The following SLC17A1 variants were observed in gnomAD, a reference collection of about 807,000 sequenced individuals.
SLC17A1 encodes sodium-dependent phosphate transport protein 1.
In SLC17A1, 51 loss-of-function variants were observed where a neutral mutation model predicts 53.5. The observed-to-expected ratio is 0.95, with a 90% CI of 0.76 to 1.20. The LOEUF is 1.20. SLC17A1 is among the 50% of genes most tolerant of loss of function. SLC17A1 has a pLI of 0.00. For missense variants in SLC17A1, 538 were observed against 568.2 expected (o/e 0.95, Z 0.54); for synonymous variants, 179 against 198.8 (o/e 0.90, Z 0.84).
Position 25,811,634 on chromosome 6 carries a change from T to A in SLC17A1, c.1030+4A>T, listed in dbSNP as rs1254565545. 1.2e-6 allele frequency: 2 copies of A among 1,613,830 alleles called. No individual in the cohort carries two copies. The highest frequency in any genetic ancestry group is 3.3e-5 in the Admixed American group (2 of 60,002). On this transcript the variant is annotated splice_donor_region_variant and intron_variant, in intron 9 of 12. Coordinates refer to ENST00000244527, the MANE Select transcript of SLC17A1 (RefSeq NM_005074.5). ...AGTGCTTAAATGTTCTGGCTGTTGC[T>A]TACCTGCTGCTGTGAAGAGTTTCCG...
the SLC17A1 span, among the ~76,000 whole-genome samples, chr6:25,752,358 A>G: frequency 6.6e-6 from 1 of 152,198 alleles, no homozygotes; most frequent in African/African-American, 2.4e-5. Flanking sequence ...AAGGTACAGT[A>G]AAAAGATAAA....
intron 2 of SLC17A1, among the ~76,000 whole-genome samples, chr6:25,827,594 T>C (rs1431945347): frequency 6.6e-6 from 1 of 152,166 alleles, no homozygotes; most frequent in Non-Finnish European, 1.5e-5. Context: ...TGAATCCCTC[T>C]CACACTTTGA....
At chr6:25,764,368 C>T in the SLC17A1 span, among the ~76,000 whole-genome samples, 12 of 152,148 alleles carry the variant, frequency 7.9e-5, no homozygotes, top group African/African-American at 2.7e-4. Flanking sequence ...TATACTGCCC[C>T]CCACCATGGG....
At chr6:25,780,097 C>T (rs981935690), downstream of SLC17A1, 1 of 152,204 alleles carries the variant, frequency 6.6e-6, no homozygotes, top group Non-Finnish European at 1.5e-5. Flanking sequence ...ACTGCCCTAA[C>T]CTCACTCCAA....
intron 12 of SLC17A1, among the ~76,000 whole-genome samples, chr6:25,787,674 G>A (rs1320957267): frequency 6.6e-6 from 1 of 152,180 alleles, no homozygotes; most frequent in South Asian, 2.1e-4. Context: ...ATTGTGAAAC[G>A]TTAAGTTTTC....
chr6:25,744,791 G>T, the SLC17A1 span, among the ~76,000 whole-genome samples: 1 of 152,122 alleles, frequency 6.6e-6, no homozygotes, highest in African/African-American at 2.4e-5. Flanking sequence ...ATTATTGATT[G>T]TCTAGACTTA....
In SLC17A1 at chr6:25,830,575, T is replaced by C. The variant is rs371704009; in HGVS notation, c.-18A>G. 203 of 1,613,740 alleles carry C rather than the reference T, an allele frequency of 1.3e-4. 1 individual carries two copies. The highest frequency in any genetic ancestry group is 7.9e-5 in the Non-Finnish European group (93 of 1,179,832). ...ATTTGCATACACGGCTGAAGTTGCT[T>C]CTCTTCTTGCTGAAGGGTTTTGCCT... On this transcript the variant is annotated 5_prime_UTR_variant, in exon 2 of 13. Transcript: ENST00000244527.
Position 25,787,674 on chromosome 6 carries a change from G to C in SLC17A1, c.*3-4456C>G, listed in dbSNP as rs1320957267. ...GATAACAACTTAAGCATTGTGAAAC[G>C]TTAAGTTTTCTATTTGAGTTATTCT... is the stretch of plus-strand genomic sequence containing the variant. On this transcript the variant is annotated intron_variant, in intron 12 of 12. Coordinates refer to ENST00000244527, the MANE Select transcript of SLC17A1 (RefSeq NM_005074.5). Among the ~76,000 whole-genome samples, 8 of 152,180 alleles carry C rather than the reference G, an allele frequency of 5.3e-5. No homozygotes were observed. In the East Asian group the frequency reaches 1.3e-3, roughly 26 times the overall value.
At chr6:25,769,163 T>G in the SLC17A1 span, 34 of 1,613,924 alleles carry the variant, frequency 2.1e-5, no homozygotes, top group South Asian at 3.3e-4. Context: ...GCTACTGGAA[T>G]GAAACTCTAA....
At chr6:25,724,076 T>C in the SLC17A1 span, among the ~76,000 whole-genome samples, 1 of 151,970 alleles carries the variant, frequency 6.6e-6, no homozygotes, top group South Asian at 2.1e-4. Context: ...CAAAATACAG[T>C]AATAAAAAAG....
the SLC17A1 span, among the ~76,000 whole-genome samples, chr6:25,768,152 G>A: frequency 6.6e-6 from 1 of 152,154 alleles, no homozygotes; most frequent in Non-Finnish European, 1.5e-5. Context: ...TGGCTGGGTT[G>A]GGGATGGGGA....
the SLC17A1 span, chr6:25,731,863 G>A: frequency 6.2e-7 from 1 of 1,603,100 alleles, no homozygotes; most frequent in Non-Finnish European, 8.5e-7. Flanking sequence ...GGCAGCAGCA[G>A]GCGCACGGCC....
intron 6 of SLC17A1, among the ~76,000 whole-genome samples, chr6:25,813,666 A>G (rs931707908): frequency 9.9e-5 from 15 of 152,150 alleles, no homozygotes; most frequent in African/African-American, 3.4e-4. Flanking sequence ...AGATTATTTC[A>G]TCACCCAGGT....
At chr6:25,748,044 A>C in the SLC17A1 span, among the ~76,000 whole-genome samples, 1 of 152,210 alleles carries the variant, frequency 6.6e-6, no homozygotes, top group South Asian at 2.1e-4. Flanking sequence ...TTTTACATGA[A>C]AAAACACTTA....
intron 12 of SLC17A1, among the ~76,000 whole-genome samples, chr6:25,788,823 C>T (rs1763439760): frequency 6.6e-6 from 1 of 151,896 alleles, no homozygotes; most frequent in Non-Finnish European, 1.5e-5. Flanking sequence ...AGGGGATTGA[C>T]AAAGTAAATA....
chr6:25,795,032 G>A (rs1581452785), intron 12 of SLC17A1, among the ~76,000 whole-genome samples: 1 of 152,168 alleles, frequency 6.6e-6, no homozygotes, highest in Non-Finnish European at 1.5e-5. Flanking sequence ...CAGCCCTGAG[G>A]ATACAGGTTG....
the SLC17A1 span, among the ~76,000 whole-genome samples, chr6:25,745,785 G>A: frequency 6.6e-6 from 1 of 152,210 alleles, no homozygotes; most frequent in Non-Finnish European, 1.5e-5. Flanking sequence ...CTCTGATACA[G>A]TGGCTGAAAG....
the SLC17A1 span, chr6:25,732,855 G>A: frequency 2.1e-3 from 676 of 329,198 alleles, 10 homozygotes; most frequent in East Asian, 0.021. Flanking sequence ...CCAGCGAAGT[G>A]ACTTGAATGT....
chr6:25,773,702 C>G, the SLC17A1 span: 4 of 1,604,106 alleles, frequency 2.5e-6, no homozygotes, highest in Non-Finnish European at 3.4e-6. Flanking sequence ...TCATTCTGAT[C>G]TTCTGTTTAA....
Sources: gnomAD v4.1 joint callset for allele counts (sites outside exome capture counted in the v4.1 genomes callset) on GRCh38, gnomAD v4.1.1 for gene constraint, MANE v1.5 for transcripts, NCBI Gene and HGNC (gene_info 2026-07-23, HGNC 2026-07-21) for gene names.